PPP5C: variants seen among roughly 807,000 people sequenced by gnomAD.
PPP5C encodes the protein protein phosphatase 5 catalytic subunit.
PPP5C carries 21 observed loss-of-function variants against 66.7 expected under a neutral mutation model. The observed-to-expected ratio is 0.31, with a 90% confidence interval of 0.22 to 0.45. The LOEUF (loss-of-function observed/expected upper bound fraction) is 0.45. PPP5C is among the 20% of genes least tolerant of loss of function. PPP5C has a pLI of 1.00. For synonymous variants in PPP5C, 246 were observed against 257.4 expected (o/e 0.96, Z 0.43); for missense variants, 464 against 675.9 (o/e 0.69, Z 3.48).
intron 9 of PPP5C, chr19:46,387,787 A>G: frequency 1.6e-6 from 2 of 1,215,312 alleles, no homozygotes; most frequent in Non-Finnish European, 2.1e-6. Context: ...CAGAGAGTTC[A>G]CCCACAGGTG....
At chr19:46,366,775 A>G (rs1750071720) in intron 2 of PPP5C, among the ~76,000 whole-genome samples, 1 of 152,174 alleles carries the variant, frequency 6.6e-6, no homozygotes, top group Non-Finnish European at 1.5e-5. Context: ...GGTGTGAGTT[A>G]CGGTGTCTGT....
At chr19:46,350,376 A>T (rs7251753) in intron 1 of PPP5C, among the ~76,000 whole-genome samples, 81,215 of 152,002 alleles carry the variant, frequency 0.53, 21,837 homozygotes, top group South Asian at 0.74. Context: ...AGCAGCCTGC[A>T]TGGGGGTTGC....
Position 46,384,871 on chromosome 19 carries a change from TCA to T in PPP5C, c.867_868del (p.Phe289LeufsTer29). 6.2e-7 allele frequency: 1 copy of T among 1,614,178 alleles called. No individual in the cohort carries two copies. The highest frequency in any genetic ancestry group is 1.1e-5 in the South Asian group (1 of 91,084). ...GAAGTGATCCTCACCCTTTTCGGCTTCAAGCTCCTGTACCCAGATCACTTTCA... is the reference window on the plus strand; with the variant it reads ...GAAGTGATCCTCACCCTTTTCGGCTTAGCTCCTGTACCCAGATCACTTTCA... On this transcript the variant is annotated frameshift_variant, in exon 7 of 13. Transcript: ENST00000012443. LOFTEE classifies it high-confidence loss of function.
At chr19:46,349,992 A>G (rs950907668) in intron 1 of PPP5C, among the ~76,000 whole-genome samples, 1 of 119,178 alleles carries the variant, frequency 8.4e-6, no homozygotes, top group Non-Finnish European at 1.7e-5. Context: ...GCAGGGCTGT[A>G]GGAAGGAGCC....
At chr19:46,378,268 G>A (rs1972731139) in intron 4 of PPP5C, among the ~76,000 whole-genome samples, 1 of 152,100 alleles carries the variant, frequency 6.6e-6, no homozygotes, top group African/African-American at 2.4e-5. Flanking sequence ...ATAGATTATT[G>A]AGAAGGGTAT....
intron 2 of PPP5C, among the ~76,000 whole-genome samples, chr19:46,358,602 T>C (rs986400650): frequency 2.6e-5 from 4 of 152,190 alleles, no homozygotes; most frequent in Non-Finnish European, 5.9e-5. Flanking sequence ...GCAAAATTAA[T>C]ATAAGTAGAG....
At chr19:46,372,070 G>GT (rs1284461227) in intron 2 of PPP5C, among the ~76,000 whole-genome samples, 1 of 152,226 alleles carries the variant, frequency 6.6e-6, no homozygotes, top group Non-Finnish European at 1.5e-5. Context: ...TTACTCTCCA[G>GT]TGGCATGTCT....
Position 46,349,876 on chromosome 19 carries a change from G to T in PPP5C, c.121+2659G>T, listed in dbSNP as rs558706785. ...GCAGGGAAAAAAAAAACAAAAACAG[G>T]TGGCAAAGGCCCAAAGGTGAGCAGA... On this transcript the variant is annotated intron_variant, in intron 1 of 12. Transcript: ENST00000012443. 4.6e-5 allele frequency among the ~76,000 whole-genome samples: 7 copies of T among 152,180 alleles called. No homozygotes were observed. The South Asian group carries it at 1.5e-3, about 32-fold the overall frequency.
intron 1 of PPP5C, among the ~76,000 whole-genome samples, chr19:46,350,844 C>T (rs1478969793): frequency 6.6e-6 from 1 of 152,128 alleles, no homozygotes; most frequent in East Asian, 1.9e-4. Flanking sequence ...CGTTCAGGTT[C>T]CTCCCAGAGC....
intron 2 of PPP5C, among the ~76,000 whole-genome samples, chr19:46,362,703 A>G (rs1007761362): frequency 6.6e-6 from 1 of 152,128 alleles, no homozygotes; most frequent in Non-Finnish European, 1.5e-5. Context: ...GGCAAGTATC[A>G]TAGAAGTAAG....
intron 2 of PPP5C, among the ~76,000 whole-genome samples, chr19:46,359,240 C>G (rs959131369): frequency 6.6e-6 from 1 of 152,058 alleles, no homozygotes; most frequent in Non-Finnish European, 1.5e-5. Flanking sequence ...AGACCTGAAT[C>G]AAGTCACTGA....
intron 7 of PPP5C, among the ~76,000 whole-genome samples, chr19:46,385,528 C>G (rs1972867524): frequency 6.6e-6 from 1 of 152,102 alleles, no homozygotes; most frequent in Non-Finnish European, 1.5e-5. Context: ...GCCTGTAATC[C>G]CAGCATTTTG....
chr19:46,374,192 G>T (rs1972650148), intron 2 of PPP5C, among the ~76,000 whole-genome samples: 1 of 152,170 alleles, frequency 6.6e-6, no homozygotes, highest in Non-Finnish European at 1.5e-5. Flanking sequence ...CTGGGCCTGG[G>T]CTCTTCTCAC....
chr19:46,380,181 A>G (rs1241288540), intron 4 of PPP5C, among the ~76,000 whole-genome samples: 2 of 152,140 alleles, frequency 1.3e-5, no homozygotes, highest in Admixed American at 6.5e-5. Flanking sequence ...TTAGCCAGGC[A>G]TGGTGGCACA....
intron 2 of PPP5C, among the ~76,000 whole-genome samples, chr19:46,357,011 T>C (rs965545713): frequency 2.6e-5 from 4 of 152,162 alleles, no homozygotes; most frequent in Admixed American, 2.6e-4. Context: ...GGTGAGAATA[T>C]AGGAATAACA....
Position 46,383,759 on chromosome 19 carries a change from C to G in PPP5C, c.700-21C>G. On this transcript the variant is annotated intron_variant, in intron 5 of 12. Coordinates refer to ENST00000012443, the MANE Select transcript of PPP5C (RefSeq NM_006247.4). This position sits in a 1 kb window ranked among gnomAD's most constrained non-coding sequence, Gnocchi z 5.0. ...GTCTCTCTCTCGGCCCGTCCCTCTC[C>G]GGTGGCCTCTTTTCTTTCAGACAGA... 6.3e-7 allele frequency: 1 copy of G among 1,591,184 alleles called. No homozygotes were observed. The highest frequency in any genetic ancestry group is 1.3e-5 in the African/African-American group (1 of 74,460).
Position 46,354,000 on chromosome 19 carries a change from G to T in PPP5C, c.363+11G>T. The T allele has an allele frequency of 6.2e-7, 1 of 1,609,138 alleles. No homozygotes were observed. The highest frequency in any genetic ancestry group is 8.5e-7 in the Non-Finnish European group (1 of 1,178,666). ...CGAGACTACGAGACGGTGAGCTGGG[G>T]AGTGGGCCAGGCCTGGCACCTGAGC... On this transcript the variant is annotated intron_variant, in intron 2 of 12. Coordinates refer to ENST00000012443, the MANE Select transcript of PPP5C (RefSeq NM_006247.4).
Position 46,388,036 on chromosome 19 carries a change from T to G in PPP5C, c.1136-372T>G. The G allele has an allele frequency of 3.5e-6, 1 of 284,344 alleles. No homozygotes were observed. The highest frequency in any genetic ancestry group is 7.0e-5 in the East Asian group (1 of 14,218). The allele number at this position is 284,344 out of a possible 1,614,324, so 17.6% of individuals were successfully genotyped here. ...TGAGGGCTGACATTGGACATGGGGTTCACTGGGCCCAAATCCTATGGCGCT... is the reference window on the plus strand; with the variant it reads ...TGAGGGCTGACATTGGACATGGGGTGCACTGGGCCCAAATCCTATGGCGCT... On this transcript the variant is annotated intron_variant, in intron 9 of 12. Coordinates refer to ENST00000012443, the MANE Select transcript of PPP5C (RefSeq NM_006247.4). The surrounding 1 kb of genome is among the most constrained non-coding windows in gnomAD (Gnocchi z 4.9).
intron 4 of PPP5C, among the ~76,000 whole-genome samples, chr19:46,380,275 G>A (rs943909148): frequency 1.3e-5 from 2 of 151,936 alleles, no homozygotes; most frequent in African/African-American, 2.4e-5. Context: ...AGCCAAGGTC[G>A]TGCCACTGCA....
Sources: gnomAD v4.1 joint callset for allele counts (sites outside exome capture counted in the v4.1 genomes callset) on GRCh38, gnomAD v4.1.1 for gene constraint, Gnocchi (gnomAD v3.1) non-coding constraint, MANE v1.5 for transcripts, NCBI Gene and HGNC (gene_info 2026-07-23, HGNC 2026-07-21) for gene names.